Variants in C6orf52 observed in about 807,000 individuals in gnomAD.
The protein encoded by C6orf52 is chromosome 6 open reading frame 52.
C6orf52 carries 16 observed loss-of-function variants against 16.6 expected under a neutral mutation model. The observed-to-expected ratio is 0.96, with a 90% CI of 0.65 to 1.46. C6orf52 has a LOEUF of 1.46. C6orf52 is among the 40% of genes most tolerant of loss of function. The pLI, the probability that C6orf52 is intolerant of heterozygous loss-of-function variation, is 0.00. For synonymous variants in C6orf52, 53 were observed against 61.4 expected, an observed-to-expected ratio of 0.86 and a Z score of 0.64; for missense variants, 166 against 182.3, an observed-to-expected ratio of 0.91 and a Z score of 0.52.
chr6:10,676,532 G>A (rs1235029007), intron 4 of C6orf52, among the ~76,000 whole-genome samples: 1 of 152,202 alleles, frequency 6.6e-6, no homozygotes, highest in Non-Finnish European at 1.5e-5. Context: ...CAAAATGGCG[G>A]CTCCATCTTC....
At chr6:10,694,617 GGCCCCA>G, upstream of C6orf52, 7 of 198,918 alleles carry the variant, frequency 3.5e-5, no homozygotes, top group South Asian at 2.9e-4. Flanking sequence ...GCCGGAAGTC[GGCCCCA>G]CCTCCTCCTG....
intron 3 of C6orf52, chr6:10,684,787 CGTT>C: frequency 1.0e-6 from 1 of 994,710 alleles, no homozygotes; most frequent in Non-Finnish European, 1.4e-6. Context: ...CAAGGACACA[CGTT>C]ATTGGAGAAG....
intron 1 of C6orf52, among the ~76,000 whole-genome samples, chr6:10,688,513 G>T (rs138525410): frequency 6.6e-6 from 1 of 152,134 alleles, no homozygotes; most frequent in Non-Finnish European, 1.5e-5. Context: ...CAAAACATTC[G>T]GATCATTCAA....
At chr6:10,693,709 A>C (rs1769564090) in intron 1 of C6orf52, among the ~76,000 whole-genome samples, 1 of 152,172 alleles carries the variant, frequency 6.6e-6, no homozygotes, top group African/African-American at 2.4e-5. Flanking sequence ...GACATACCTG[A>C]ATCTCTAAAC....
At chr6:10,677,327 A>G (rs1226382203) in intron 4 of C6orf52, among the ~76,000 whole-genome samples, 1 of 152,092 alleles carries the variant, frequency 6.6e-6, no homozygotes, top group Non-Finnish European at 1.5e-5. Flanking sequence ...TGGGCTATAA[A>G]TGTGTGGATT....
Position 10,671,496 on chromosome 6 carries a change from T to C in C6orf52, c.419A>G (p.Asp140Gly). 6.4e-7 allele frequency: 1 copy of C among 1,551,026 alleles called. No homozygotes were observed. The highest frequency in any genetic ancestry group is 8.7e-7 in the Non-Finnish European group (1 of 1,146,794). Reference sequence around the variant, plus strand: ...ATCTGGGATTTCGGAGTGAACTGTGTCCAGAGGCTGCCAGTGGCAATTCAT... The same window carrying C: ...ATCTGGGATTTCGGAGTGAACTGTGCCCAGAGGCTGCCAGTGGCAATTCAT... ...SLMNCHWQPLDTVHSEIPDET... is the reference protein window; with the variant it reads ...SLMNCHWQPLGTVHSEIPDET... The change falls in exon 5 of 5, where the codon GAC becomes GGC. Residue 140 changes from aspartate (D) to glycine (G), a missense_variant. Physicochemically the swap from Asp to Gly is moderately conservative, Grantham distance 94 (BLOSUM62 -1). Coordinates refer to ENST00000259983, the MANE Select transcript of C6orf52 (RefSeq NM_001145020.3).
chr6:10,681,946 A>G (rs565955422), intron 4 of C6orf52, among the ~76,000 whole-genome samples: 2 of 152,174 alleles, frequency 1.3e-5, no homozygotes, highest in African/African-American at 4.8e-5. Context: ...AAATAAATCA[A>G]TGTGGAGTGG....
At chr6:10,690,021 A>G (rs767651074) in intron 1 of C6orf52, among the ~76,000 whole-genome samples, 46 of 152,228 alleles carry the variant, frequency 3.0e-4, no homozygotes, top group Non-Finnish European at 6.2e-4. Context: ...GAAAATCACA[A>G]TTATGGCTAT....
At chr6:10,687,940 G>A (rs1768998956) in intron 1 of C6orf52, among the ~76,000 whole-genome samples, 1 of 152,124 alleles carries the variant, frequency 6.6e-6, no homozygotes. Flanking sequence ...GGTAAAAGAG[G>A]AAACTCTAAT....
chr6:10,673,840 A>AG (rs1477730577), intron 4 of C6orf52, among the ~76,000 whole-genome samples: 1 of 152,218 alleles, frequency 6.6e-6, no homozygotes, highest in African/African-American at 2.4e-5. Flanking sequence ...TCTGCAGGTG[A>AG]GGGGGCAGCC....
At chr6:10,678,694 A>G (rs940680797) in intron 4 of C6orf52, among the ~76,000 whole-genome samples, 2 of 152,112 alleles carry the variant, frequency 1.3e-5, no homozygotes, top group Non-Finnish European at 2.9e-5. Context: ...CTGTAATCCC[A>G]GTACTTTGGG....
chr6:10,694,343 G>A (rs1039791006), intron 1 of C6orf52, among the ~76,000 whole-genome samples, 151 bp downstream of exon 1: 1 of 151,986 alleles, frequency 6.6e-6, no homozygotes, highest in South Asian at 2.1e-4. Flanking sequence ...CCCAGAGTTA[G>A]ACAAGCAGAC....
chr6:10,677,224 C>CT (rs1413597552), intron 4 of C6orf52, among the ~76,000 whole-genome samples: 2 of 152,170 alleles, frequency 1.3e-5, no homozygotes, highest in Non-Finnish European at 2.9e-5. Flanking sequence ...TAATTTCATT[C>CT]TTTTGCATGT....
At chr6:10,675,855 G>C (rs994684488) in intron 4 of C6orf52, among the ~76,000 whole-genome samples, 2 of 152,174 alleles carry the variant, frequency 1.3e-5, no homozygotes, top group African/African-American at 4.8e-5. Context: ...AAAATGGCCG[G>C]GCACGGTGGC....
intron 3 of C6orf52, chr6:10,684,995 C>T (rs747413558): frequency 2.4e-4 from 199 of 846,550 alleles, no homozygotes; most frequent in Non-Finnish European, 3.0e-4. Flanking sequence ...ATAATTCGGC[C>T]TGAGGGTGAG....
intron 4 of C6orf52, among the ~76,000 whole-genome samples, chr6:10,678,823 A>G (rs1268549724): frequency 6.6e-6 from 1 of 152,268 alleles, no homozygotes; most frequent in East Asian, 1.9e-4. Context: ...GGCCAGGCAC[A>G]GTGGCTCACG....
intron 3 of C6orf52, chr6:10,684,914 C>A (rs1768730707): frequency 1.2e-5 from 16 of 1,285,342 alleles, no homozygotes; most frequent in Non-Finnish European, 1.6e-5. Flanking sequence ...GCAGATGGCA[C>A]AGGGGGTCAC....
chr6:10,694,605 C>A lies in C6orf52; in HGVS notation c.-123G>T. 5 of 178,936 alleles carry A rather than the reference C, an allele frequency of 2.8e-5. No homozygotes were observed. The highest frequency in any genetic ancestry group is 2.1e-4 in the South Asian group (2 of 9,544). The allele number at this position is 178,936 out of a possible 1,614,324, so 11.1% of individuals were successfully genotyped here. A position where few individuals can be genotyped will look rare whatever the true frequency, so the allele number is the denominator to read the frequency against. On this transcript the variant is annotated 5_prime_UTR_variant, in exon 1 of 5. Transcript: ENST00000259983. ...GCCGGCGCTACAGCCCCTAAGCAAC[C>A]GGCCGGAAGTCGGCCCCACCTCCTC...
At position 10,694,595 on chromosome 6, in the gene C6orf52, C is replaced by CGTGTAGAT; in HGVS notation, c.-114_-113insATCTACAC. On this transcript the variant is annotated 5_prime_UTR_variant, in exon 1 of 5. Transcript: ENST00000259983. ...AATGCACGCTGCCGGCGCTACAGCC[C>CGTGTAGAT]CTAAGCAACCGGCCGGAAGTCGGCC... The CGTGTAGAT allele has an allele frequency of 1.1e-5, 2 of 178,888 alleles. No homozygotes were observed. Among genetic ancestry groups the CGTGTAGAT allele is most frequent in the East Asian group, 1.6e-4 (1 of 6,256 alleles). 11.1% of individuals were successfully genotyped at this position (178,888 alleles called of 1,614,324 possible). A position where few individuals can be genotyped will look rare whatever the true frequency, so the allele number is the denominator to read the frequency against.
Sources: allele counts gnomAD v4.1 joint callset (sites outside exome capture counted in the v4.1 genomes callset), GRCh38; gene constraint gnomAD v4.1.1; transcripts MANE v1.5; gene names NCBI Gene and HGNC (gene_info 2026-07-23, HGNC 2026-07-21).